XPR1: variants seen among roughly 807,000 people sequenced by gnomAD.
XPR1 encodes xenotropic and polytropic retrovirus receptor 1.
Under a neutral mutation model 87.5 loss-of-function variants are expected in XPR1, and 28 were observed. The ratio of observed to expected loss-of-function variants is 0.32; its 90% CI spans 0.24 to 0.44. The LOEUF (loss-of-function observed/expected upper bound fraction) is 0.44. Ranked by LOEUF, XPR1 falls within the 20% of genes least tolerant of loss-of-function variation. XPR1 has a pLI of 1.00. For synonymous variants in XPR1, 300 were observed against 306.1 expected (o/e 0.98, Z 0.21); for missense variants, 559 against 862.3 (o/e 0.65, Z 4.41).
intron 1 of XPR1, among the ~76,000 whole-genome samples, chr1:180,680,585 G>A (rs1342961929): frequency 2.0e-5 from 3 of 151,946 alleles, no homozygotes; most frequent in East Asian, 1.9e-4. Context: ...GGATGGTCTC[G>A]ATCTTTTGAC....
intron 3 of XPR1, among the ~76,000 whole-genome samples, chr1:180,793,671 G>C (rs1649467706): frequency 6.6e-6 from 1 of 152,092 alleles, no homozygotes; most frequent in Non-Finnish European, 1.5e-5. Flanking sequence ...AGTAGGGGAA[G>C]TGAAATTAAA....
intron 7 of XPR1, among the ~76,000 whole-genome samples, chr1:180,819,321 A>T (rs1259640420): frequency 2.0e-5 from 3 of 152,206 alleles, no homozygotes; most frequent in Non-Finnish European, 2.9e-5. Flanking sequence ...TCAGAAGAAT[A>T]TATCTTTAGC....
intron 3 of XPR1, among the ~76,000 whole-genome samples, chr1:180,801,127 T>C (rs1018628580): frequency 2.0e-5 from 3 of 152,272 alleles, no homozygotes; most frequent in Admixed American, 2.0e-4. Context: ...AGTTAAGTGC[T>C]GCCATCTGGC....
chr1:180,872,659 C>T (rs1356277545), intron 12 of XPR1, among the ~76,000 whole-genome samples: 3 of 134,148 alleles, frequency 2.2e-5, no homozygotes, highest in Non-Finnish European at 3.2e-5. Context: ...GAGGCAATGC[C>T]TCGCCCTGCT....
intron 2 of XPR1, among the ~76,000 whole-genome samples, chr1:180,686,248 A>C (rs1030653015): frequency 1.3e-4 from 20 of 152,282 alleles, no homozygotes; most frequent in African/African-American, 4.8e-4. Flanking sequence ...TTATGTACCC[A>C]GTAGTCATTC....
At chr1:180,677,454 C>T in intron 1 of XPR1, among the ~76,000 whole-genome samples, 1 of 151,958 alleles carries the variant, frequency 6.6e-6, no homozygotes, top group Non-Finnish European at 1.5e-5. Flanking sequence ...TCAAAGCTGT[C>T]CTCTTGGTGC....
intron 2 of XPR1, among the ~76,000 whole-genome samples, chr1:180,729,565 T>G (rs1228195061): frequency 1.3e-5 from 2 of 152,202 alleles, no homozygotes; most frequent in Non-Finnish European, 2.9e-5. Context: ...CCAGCATCTT[T>G]TATTTTTTGA....
intron 14 of XPR1, 122 bp from the exon 15 acceptor site, chr1:180,883,884 A>G (rs1162363475): frequency 2.6e-6 from 2 of 776,192 alleles, no homozygotes; most frequent in Non-Finnish European, 4.2e-6. Context: ...CTGGTACAGC[A>G]GATAGTCCCT....
chr1:180,813,077 C>T (rs556437125), intron 7 of XPR1, among the ~76,000 whole-genome samples: 3 of 146,022 alleles, frequency 2.1e-5, no homozygotes, highest in African/African-American at 7.4e-5. Flanking sequence ...TGTCACTCTC[C>T]TATTCAAAAT....
At chr1:180,818,976 GTCTCTC>G (rs1278386100) in intron 7 of XPR1, among the ~76,000 whole-genome samples, 1 of 152,066 alleles carries the variant, frequency 6.6e-6, no homozygotes, top group Non-Finnish European at 1.5e-5. Flanking sequence ...CAGAGACAGG[GTCTCTC>G]TCTGTTGCCC....
At chr1:180,684,687 C>T (rs1395624057) in intron 2 of XPR1, among the ~76,000 whole-genome samples, 7 of 152,038 alleles carry the variant, frequency 4.6e-5, no homozygotes, top group Non-Finnish European at 5.9e-5. Flanking sequence ...GTAGTTCTCC[C>T]TGAAGAGGTC....
chr1:180,784,293 A>G (rs553242610), intron 2 of XPR1, among the ~76,000 whole-genome samples: 7 of 152,144 alleles, frequency 4.6e-5, no homozygotes, highest in Non-Finnish European at 7.4e-5. Flanking sequence ...TTGAAAAGCT[A>G]TATTTCCTTT....
chr1:180,724,076 C>CA (rs1246539474), intron 2 of XPR1, among the ~76,000 whole-genome samples: 1 of 151,796 alleles, frequency 6.6e-6, no homozygotes, highest in Non-Finnish European at 1.5e-5. Flanking sequence ...AGAAGGTAGT[C>CA]AAAAAAATGA....
chr1:180,737,258 T>C (rs1365636526), intron 2 of XPR1, among the ~76,000 whole-genome samples: 1 of 152,140 alleles, frequency 6.6e-6, no homozygotes, highest in East Asian at 1.9e-4. Flanking sequence ...TTTTCCTACG[T>C]TATGTAAGGG....
At position 180,632,139 on chromosome 1, in the gene XPR1, T is replaced by G; in HGVS notation, c.-63T>G. The G allele has an allele frequency of 6.4e-7, 1 of 1,555,776 alleles. No individual in the cohort carries two copies. Among genetic ancestry groups the G allele is most frequent in the Non-Finnish European group, 8.7e-7 (1 of 1,147,994 alleles). On this transcript the variant is annotated 5_prime_UTR_variant, in exon 1 of 15. Transcript: ENST00000367590. ...GGGCCCATGTGGGGAGGAGTCGGAGTCGCTGTTGCCGCCGCCGCCTGTAGC... is the reference window on the plus strand; with the variant it reads ...GGGCCCATGTGGGGAGGAGTCGGAGGCGCTGTTGCCGCCGCCGCCTGTAGC...
chr1:180,785,995 T>C (rs1163160679), intron 2 of XPR1, among the ~76,000 whole-genome samples: 3 of 151,424 alleles, frequency 2.0e-5, no homozygotes, highest in East Asian at 1.9e-4. Context: ...TGTGACCTGC[T>C]TCATGCTTTG....
chr1:180,802,708 A>G (rs61811202), intron 3 of XPR1, among the ~76,000 whole-genome samples: 8,141 of 152,268 alleles, frequency 0.053, 314 homozygotes, highest in Non-Finnish European at 0.079. Context: ...GCCCATGGCA[A>G]GCAGTAATCT....
At chr1:180,743,790 G>C (rs1335791897) in intron 2 of XPR1, among the ~76,000 whole-genome samples, 1 of 152,044 alleles carries the variant, frequency 6.6e-6, no homozygotes, top group African/African-American at 2.4e-5. Flanking sequence ...TTCTTTTCTT[G>C]TTGCACTTTA....
chr1:180,659,840 C>G (rs1268186691), intron 1 of XPR1, among the ~76,000 whole-genome samples: 2 of 151,820 alleles, frequency 1.3e-5, no homozygotes, highest in African/African-American at 4.8e-5. Context: ...TTGATGGGGT[C>G]TTTTTCTGGT....
Sources: gnomAD v4.1 joint callset for allele counts (sites outside exome capture counted in the v4.1 genomes callset) on GRCh38, gnomAD v4.1.1 for gene constraint, MANE v1.5 for transcripts, NCBI Gene and HGNC (gene_info 2026-07-23, HGNC 2026-07-21) for gene names.